ITGA10: variants seen among roughly 807,000 people sequenced by gnomAD.
ITGA10 encodes the protein integrin subunit alpha 10, also known as integrin alpha-10.
In ITGA10, 105 loss-of-function variants were observed where a neutral mutation model predicts 145.2. The observed-to-expected ratio is 0.72, with a 90% CI of 0.62 to 0.85. The LOEUF is 0.85. Ranked by LOEUF, ITGA10 falls within the 40% of genes least tolerant of loss-of-function variation. The pLI, the probability that ITGA10 is intolerant of heterozygous loss-of-function variation, is 0.00. For synonymous variants in ITGA10, 506 were observed against 557.8 expected, an observed-to-expected ratio of 0.91 and a Z score of 1.31; for missense variants, 1,317 against 1,444.5, an observed-to-expected ratio of 0.91 and a Z score of 1.43.
rs1655355702 is a variant in ITGA10 at position 145,896,075 on chromosome 1, C to T, written c.2941G>A (p.Val981Met). Residue 981 changes from valine (V) to methionine (M), a missense_variant, in exon 25 of 30, where the codon GTG (valine) becomes ATG (methionine). Coordinates refer to ENST00000369304, the MANE Select transcript of ITGA10 (RefSeq NM_003637.5). ...GCTGAGATGATGAGGCCACTGACCA[C>T]ATAGCAGCCTAGGTTCTGAACCTAA... ...TLRVQNLGCYVVSGLIISALL... is the reference protein window; with the variant it reads ...TLRVQNLGCYMVSGLIISALL... 6.2e-7 allele frequency: 1 copy of T among 1,614,056 alleles called. No individual in the cohort carries two copies. The highest frequency in any genetic ancestry group is 8.5e-7 in the Non-Finnish European group (1 of 1,180,006).
Position 145,910,038 on chromosome 1 carries a change from TGAG to T in ITGA10, c.-27_-25del, listed in dbSNP as rs1363343829. 6.2e-7 allele frequency: 1 copy of T among 1,603,198 alleles called. No homozygotes were observed. The highest frequency in any genetic ancestry group is 2.2e-5 in the East Asian group (1 of 44,772). On this transcript the variant is annotated 5_prime_UTR_variant, in exon 1 of 30. Coordinates refer to ENST00000369304, the MANE Select transcript of ITGA10 (RefSeq NM_003637.5). ...ATGCCTGATCGGTTTCTGTCCAGTA[TGAG>T]AAGTCCTCTGGCCTCTGTCCCTCTC...
chr1:145,896,875 G>T lies in ITGA10; in HGVS notation c.2745-17C>A, dbSNP rs1358105120. The T allele has an allele frequency of 1.2e-6, 2 of 1,603,830 alleles. No homozygotes were observed. Among genetic ancestry groups the T allele is most frequent in the African/African-American group, 1.3e-5 (1 of 74,672 alleles). ...AGGCTGTCACTGTAGGGTCAGAGGGGAGAGGCTCACATCTCAACCCCTCCT... is the reference window on the plus strand; with the variant it reads ...AGGCTGTCACTGTAGGGTCAGAGGGTAGAGGCTCACATCTCAACCCCTCCT... On this transcript the variant is annotated splice_polypyrimidine_tract_variant and intron_variant, in intron 22 of 29. Coordinates refer to ENST00000369304, the MANE Select transcript of ITGA10 (RefSeq NM_003637.5).
At chr1:145,900,618 G>A (rs1465190285) in intron 14 of ITGA10, among the ~76,000 whole-genome samples, 172 bp downstream of exon 14, 1 of 151,920 alleles carries the variant, frequency 6.6e-6, no homozygotes, top group East Asian at 1.9e-4. Flanking sequence ...AAACTTGCCT[G>A]TGTTCAGGAG....
At chr1:145,909,526 TATATA>T (rs1201599792) in intron 1 of ITGA10, among the ~76,000 whole-genome samples, 3 of 134,112 alleles carry the variant, frequency 2.2e-5, no homozygotes, top group East Asian at 2.0e-4. Flanking sequence ...ATGTATATTA[TATATA>T]ATATATAATT....
chr1:145,906,639 G>T, intron 4 of ITGA10, 94 bp downstream of exon 4: 1 of 1,282,362 alleles, frequency 7.8e-7, no homozygotes, highest in Non-Finnish European at 1.1e-6. Flanking sequence ...TTAACTCCTT[G>T]ACCCCTCCAC....
intron 26 of ITGA10, 94 bp downstream of exon 26, chr1:145,895,537 A>G: frequency 7.1e-7 from 1 of 1,408,696 alleles, no homozygotes; most frequent in Admixed American, 1.8e-5. Context: ...GGGTGGAAAG[A>G]TCCCTTCTTC....
chr1:145,908,460 C>A (rs1235012989), intron 1 of ITGA10, among the ~76,000 whole-genome samples: 2 of 152,182 alleles, frequency 1.3e-5, no homozygotes, highest in Non-Finnish European at 2.9e-5. Context: ...ACTCTCCCAA[C>A]TGGTCCCCTA....
At chr1:145,909,231 T>G (rs1429938441) in intron 1 of ITGA10, among the ~76,000 whole-genome samples, 1 of 150,976 alleles carries the variant, frequency 6.6e-6, no homozygotes, top group Non-Finnish European at 1.5e-5. Context: ...GCCTGGGAGG[T>G]TGAGGCTAGA....
In ITGA10 at chr1:145,901,985, A is replaced by C. The variant is rs976086952; in HGVS notation, c.1186T>G (p.Trp396Gly). 1 of 1,614,020 alleles carries C rather than the reference A, an allele frequency of 6.2e-7. No individual in the cohort carries two copies. The highest frequency in any genetic ancestry group is 1.3e-5 in the African/African-American group (1 of 74,904). The change falls in exon 11 of 30, where the codon TGG becomes GGG. Residue 396 changes from tryptophan (W) to glycine (G), a missense_variant. Physicochemically the swap from Trp to Gly is radical, Grantham distance 184. Transcript: ENST00000369304. The surrounding 1 kb of genome is among the most constrained non-coding windows in gnomAD (Gnocchi z 4.3). The stretch of plus-strand genomic sequence containing the variant: ...TCAAGCCATAGCACAGAGCCTCCCC[A>C]GTCATAGGCCCCCACCATCCCAAAA... ...ILFGMVGAYD[W>G]GGSVLWLEGG...
intron 5 of ITGA10, 25 bp from the exon 6 acceptor site, chr1:145,904,836 T>G (rs373611817): frequency 4.1e-5 from 66 of 1,609,348 alleles, no homozygotes; most frequent in Non-Finnish European, 5.6e-5. Flanking sequence ...AACACTGAGG[T>G]AGAGGACACT....
chr1:145,903,381 T>A (rs1220742814), intron 7 of ITGA10, among the ~76,000 whole-genome samples: 2 of 152,142 alleles, frequency 1.3e-5, no homozygotes, highest in African/African-American at 4.8e-5. Flanking sequence ...GAGTTTTGGA[T>A]CATGTTTGGA....
chr1:145,904,500 C>T (rs1328072148), intron 6 of ITGA10, among the ~76,000 whole-genome samples, 184 bp downstream of exon 6: 2 of 151,978 alleles, frequency 1.3e-5, no homozygotes, highest in Admixed American at 1.3e-4. Context: ...TCCTGAGTAG[C>T]TGGGACTGTA....
intron 1 of ITGA10, among the ~76,000 whole-genome samples, chr1:145,909,332 T>G (rs587734921): frequency 1.1e-4 from 17 of 150,544 alleles, no homozygotes; most frequent in Non-Finnish European, 2.5e-4. Flanking sequence ...TGGTGGCGCG[T>G]ACCTAGTAGT....
chr1:145,904,616 C>T (rs1656862431), intron 6 of ITGA10, 68 bp downstream of exon 6: 2 of 1,564,184 alleles, frequency 1.3e-6, no homozygotes, highest in Non-Finnish European at 1.8e-6. Context: ...CTCAGGGGAT[C>T]CTCCCACCTC....
At chr1:145,906,704 A>C (rs587609303) in intron 4 of ITGA10, 29 bp downstream of exon 4, 1 of 1,538,112 alleles carries the variant, frequency 6.5e-7, no homozygotes, top group African/African-American at 1.4e-5. Context: ...ACCTTCAGAG[A>C]CACTGCCACC....
intron 10 of ITGA10, 111 bp downstream of exon 10, chr1:145,902,135 A>G: frequency 6.4e-7 from 1 of 1,572,240 alleles, no homozygotes; most frequent in Non-Finnish European, 8.7e-7. Context: ...TTGGAAAGGC[A>G]TGGGAAGGTG....
Position 145,904,171 on chromosome 1 carries a change from A to T in ITGA10, c.639T>A (p.Pro213=), listed in dbSNP as rs1553750249. The change falls in exon 7 of 30, where the codon CCT becomes CCA. Residue 213 remains proline, a synonymous_variant. Transcript: ENST00000369304. The part of the protein sequence containing the change: ...QVGLVQYGES[P]VHEWSLGDFR... ...AATCTCCCAGGGACCACTCATGTACAGGGCTCTCCCCATACTGTACCAGTC... is the reference window on the plus strand; with the variant it reads ...AATCTCCCAGGGACCACTCATGTACTGGGCTCTCCCCATACTGTACCAGTC... The T allele has an allele frequency of 6.2e-7, 1 of 1,614,028 alleles. No individual in the cohort carries two copies. Among genetic ancestry groups the T allele is most frequent in the East Asian group, 2.2e-5 (1 of 44,902 alleles).
chr1:145,893,069 G>T, intron 29 of ITGA10, 92 bp downstream of exon 29: 1 of 1,057,016 alleles, frequency 9.5e-7, no homozygotes, highest in Non-Finnish European at 1.5e-6. Context: ...CTGGTTAGCT[G>T]CCCAGCACAA....
chr1:145,903,214 A>G (rs1656633982), intron 7 of ITGA10, among the ~76,000 whole-genome samples: 1 of 152,190 alleles, frequency 6.6e-6, no homozygotes, highest in Non-Finnish European at 1.5e-5. Flanking sequence ...CCAAATAAGT[A>G]CAACGTTCAT....
Sources: allele counts gnomAD v4.1 joint callset (sites outside exome capture counted in the v4.1 genomes callset), GRCh38; gene constraint gnomAD v4.1.1; non-coding constraint Gnocchi (gnomAD v3.1); transcripts MANE v1.5; gene names NCBI Gene and HGNC (gene_info 2026-07-23, HGNC 2026-07-21).